The following SORL1 variants were observed in gnomAD, a reference collection of about 807,000 sequenced individuals.
The protein encoded by SORL1 is sortilin-related receptor.
A neutral mutation model predicts 273.7 loss-of-function variants in SORL1; 127 were observed. The ratio of observed to expected loss-of-function variants is 0.46; its 90% confidence interval spans 0.40 to 0.54. The LOEUF (loss-of-function observed/expected upper bound fraction) is 0.54, where lower values mean the gene tolerates loss of function less well. SORL1 is among the 20% of genes least tolerant of loss of function. SORL1 has a pLI of 0.00. For synonymous variants in SORL1, 1,031 were observed against 1,067.4 expected (o/e 0.97, Z 0.66); for missense variants, 2,494 against 2,846.1 (o/e 0.88, Z 2.81).
intron 11 of SORL1, among the ~76,000 whole-genome samples, chr11:121,531,859 G>A (rs1487517369): frequency 1.3e-5 from 2 of 152,164 alleles, no homozygotes; most frequent in Admixed American, 1.3e-4. Context: ...GTTCCTTTGG[G>A]GGAAATAATA....
At chr11:121,463,284 T>A (rs1050517013) in intron 1 of SORL1, among the ~76,000 whole-genome samples, 1 of 151,694 alleles carries the variant, frequency 6.6e-6, no homozygotes, top group Admixed American at 6.6e-5. Context: ...AACTGGTAAA[T>A]TAAGGGGTGA....
intron 24 of SORL1, 116 bp downstream of exon 24, chr11:121,574,479 T>C (rs1862896726): frequency 1.1e-6 from 1 of 935,964 alleles, no homozygotes; most frequent in Admixed American, 2.4e-5. Flanking sequence ...ATTTATGATA[T>C]TCTAGCTGAA....
chr11:121,546,223 A>G (rs914535788), intron 14 of SORL1, among the ~76,000 whole-genome samples: 1 of 152,170 alleles, frequency 6.6e-6, no homozygotes, highest in Non-Finnish European at 1.5e-5. Flanking sequence ...AAGATAGAAT[A>G]CAGTAGGGGA....
rs1367197725 is a variant in SORL1 at position 121,611,121 on chromosome 11, A to T, written c.5285A>T (p.Tyr1762Phe). ...DIHIDSYGEN[Y>F]LSFTLTMESD... is the part of the protein sequence containing the mutation. Reference sequence around the variant, plus strand: ...CACATTGACAGCTATGGTGAAAATTATCTAAGCTTCACCCTGACCATGGAG... The same window carrying T: ...CACATTGACAGCTATGGTGAAAATTTTCTAAGCTTCACCCTGACCATGGAG... The change falls in exon 39 of 48, where the codon TAT becomes TTT. Residue 1762 changes from tyrosine to phenylalanine, a missense_variant. By Grantham distance (22) the Tyr-to-Phe change is conservative (BLOSUM62 3). Coordinates refer to ENST00000260197, the MANE Select transcript of SORL1 (RefSeq NM_003105.6). 6.2e-7 allele frequency: 1 copy of T among 1,613,744 alleles called. No individual in the cohort carries two copies. Among genetic ancestry groups the T allele is most frequent in the South Asian group, 1.1e-5 (1 of 91,066 alleles).
At chr11:121,543,873 G>A (rs1187349616) in intron 13 of SORL1, 147 bp downstream of exon 13, 6 of 658,754 alleles carry the variant, frequency 9.1e-6, no homozygotes, top group Non-Finnish European at 1.5e-5. Flanking sequence ...AAAAGCATAG[G>A]GAGGTAATTG....
chr11:121,573,979 G>A (rs551148002), intron 23 of SORL1, among the ~76,000 whole-genome samples: 12 of 152,096 alleles, frequency 7.9e-5, no homozygotes, highest in East Asian at 1.9e-4. Flanking sequence ...ACTCTCTCTC[G>A]CCAACAGATG....
chr11:121,588,943 C>T (rs147887420), intron 28 of SORL1, among the ~76,000 whole-genome samples: 98 of 152,288 alleles, frequency 6.4e-4, no homozygotes, highest in African/African-American at 2.2e-3. Context: ...CTCATTCTAA[C>T]GTTTCCTCTT....
intron 31 of SORL1, among the ~76,000 whole-genome samples, chr11:121,593,855 G>A (rs534475650): frequency 6.6e-6 from 1 of 152,182 alleles, no homozygotes; most frequent in East Asian, 1.9e-4. Context: ...TGTTTTCTGT[G>A]TCCCAGTTTT....
intron 2 of SORL1, among the ~76,000 whole-genome samples, chr11:121,476,105 T>TATGGGATGTC (rs1861263675): frequency 1.3e-5 from 2 of 152,240 alleles, no homozygotes; most frequent in Non-Finnish European, 2.9e-5. Context: ...CGTGGGGGGT[T>TATGGGATGTC]ATCAAATTAT....
intron 21 of SORL1, among the ~76,000 whole-genome samples, chr11:121,561,460 A>G (rs563623254): frequency 1.3e-5 from 2 of 152,258 alleles, no homozygotes; most frequent in Admixed American, 1.3e-4. Context: ...AGTCATCTTC[A>G]TTTAAGTTAG....
Position 121,618,816 on chromosome 11 carries a change from C to T in SORL1, c.5647C>T (p.Arg1883Cys), listed in dbSNP as rs143877953. The T allele has an allele frequency of 6.6e-5, 106 of 1,614,048 alleles. No homozygotes were observed. The African/African-American group carries it at 1.1e-3, about 16-fold the overall frequency. ...TGCCACGTCCTTTCTTGACCTCTATCGCAACCCGAAGAGCTTGACTACTTC... is the reference window on the plus strand; with the variant it reads ...TGCCACGTCCTTTCTTGACCTCTATTGCAACCCGAAGAGCTTGACTACTTC... ...FYATSFLDLY[R>C]NPKSLTTSLH... The change falls in exon 42 of 48, where the codon CGC becomes TGC. Residue 1883 changes from arginine to cysteine, a missense_variant. Coordinates refer to ENST00000260197, the MANE Select transcript of SORL1 (RefSeq NM_003105.6).
intron 13 of SORL1, among the ~76,000 whole-genome samples, chr11:121,544,767 C>A (rs1287651180): frequency 6.6e-6 from 1 of 152,216 alleles, no homozygotes; most frequent in Non-Finnish European, 1.5e-5. Flanking sequence ...TTTCCAGCCT[C>A]TTTCCATGGA....
chr11:121,607,355 T>G, intron 37 of SORL1, 65 bp downstream of exon 37: 1 of 870,574 alleles, frequency 1.1e-6, no homozygotes, highest in Non-Finnish European at 1.9e-6. Context: ...TGCTGCTGTT[T>G]TGTGAGAACT....
At chr11:121,582,882 G>A (rs1863033411) in intron 25 of SORL1, among the ~76,000 whole-genome samples, 1 of 152,030 alleles carries the variant, frequency 6.6e-6, no homozygotes, top group African/African-American at 2.4e-5. Flanking sequence ...GTAATGTATG[G>A]CCTTCCAGAA....
intron 30 of SORL1, chr11:121,590,797 C>T (rs774421742): frequency 1.2e-5 from 9 of 769,024 alleles, no homozygotes; most frequent in Admixed American, 5.2e-5. Flanking sequence ...ATCTACTCCC[C>T]AAAAGGGAAA....
At chr11:121,502,506 C>T (rs929157792) in intron 6 of SORL1, among the ~76,000 whole-genome samples, 2 of 152,126 alleles carry the variant, frequency 1.3e-5, no homozygotes, top group Admixed American at 1.3e-4. Context: ...ATTTTATATT[C>T]CCACCAGAAA....
At chr11:121,573,277 A>G (rs1433212271) in intron 23 of SORL1, among the ~76,000 whole-genome samples, 1 of 152,190 alleles carries the variant, frequency 6.6e-6, no homozygotes, top group African/African-American at 2.4e-5. Flanking sequence ...TACCAAGTAA[A>G]GGCAGGTTAA....
chr11:121,466,434 A>G (rs1861083094), intron 1 of SORL1, among the ~76,000 whole-genome samples: 1 of 152,076 alleles, frequency 6.6e-6, no homozygotes, highest in Non-Finnish European at 1.5e-5. Context: ...AAGTAAAGGG[A>G]TCTAGGGACC....
chr11:121,521,443 C>T (rs1232066348), intron 9 of SORL1, among the ~76,000 whole-genome samples: 1 of 152,142 alleles, frequency 6.6e-6, no homozygotes, highest in Non-Finnish European at 1.5e-5. Flanking sequence ...GGGGGTCAGG[C>T]TTTAGTTAAA....
Sources: gnomAD v4.1 joint callset for allele counts (sites outside exome capture counted in the v4.1 genomes callset) on GRCh38, gnomAD v4.1.1 for gene constraint, MANE v1.5 for transcripts, NCBI Gene and HGNC (gene_info 2026-07-23, HGNC 2026-07-21) for gene names.